BRD3: variants seen among roughly 807,000 people sequenced by gnomAD.
The protein encoded by BRD3 is bromodomain containing 3, also known as bromodomain-containing protein 3.
In BRD3, 17 loss-of-function variants were observed where a neutral mutation model predicts 66.8. That is an observed-to-expected ratio of 0.25 (90% confidence interval 0.17 to 0.38). The LOEUF (loss-of-function observed/expected upper bound fraction) is 0.38, where lower values mean the gene tolerates loss of function less well. Among genes scored for constraint, BRD3 ranks in the 10% least tolerant of loss-of-function variants. BRD3 has a pLI of 1.00. For synonymous variants in BRD3, 421 were observed against 393.2 expected, an observed-to-expected ratio of 1.07 and a Z score of -0.84; for missense variants, 713 against 956.1, an observed-to-expected ratio of 0.75 and a Z score of 3.35.
intron 1 of BRD3, among the ~76,000 whole-genome samples, chr9:134,067,446 G>T (rs1467584310): frequency 6.7e-6 from 1 of 149,572 alleles, no homozygotes; most frequent in Non-Finnish European, 1.5e-5. Flanking sequence ...CGCGGGGAAA[G>T]TGGCCCCGCG....
chr9:134,031,256 C>T lies in BRD3; in HGVS notation c.*2334G>A. 1 of 211,722 alleles carries T rather than the reference C, an allele frequency of 4.7e-6. No homozygotes were observed. Among genetic ancestry groups the T allele is most frequent in the Non-Finnish European group, 9.6e-6 (1 of 104,464 alleles). The allele number at this position is 211,722 out of a possible 1,614,324, so 13.1% of individuals were successfully genotyped here. A position where few individuals can be genotyped will look rare whatever the true frequency, so the allele number is the denominator to read the frequency against. On this transcript the variant is annotated 3_prime_UTR_variant, in exon 12 of 12. Coordinates refer to ENST00000303407, the MANE Select transcript of BRD3 (RefSeq NM_007371.4). Reference sequence around the variant, plus strand: ...CGATGCTCCTGCTGCGCTGCCCCCACAGCCGGCCGCTCCCCCGACGGCTCA... The same window carrying T: ...CGATGCTCCTGCTGCGCTGCCCCCATAGCCGGCCGCTCCCCCGACGGCTCA...
intron 7 of BRD3, among the ~76,000 whole-genome samples, chr9:134,043,931 A>G (rs190305449): frequency 1.6e-4 from 24 of 152,296 alleles, no homozygotes; most frequent in African/African-American, 5.5e-4. Context: ...TCCGCCTCCC[A>G]AAGTGCTGGA....
At position 134,031,731 on chromosome 9, in the gene BRD3, T is replaced by G. The variant is rs1030941986; in HGVS notation, c.*1859A>C. 1 of 211,242 alleles carries G rather than the reference T, an allele frequency of 4.7e-6. No individual in the cohort carries two copies. Among genetic ancestry groups the G allele is most frequent in the African/African-American group, 2.3e-5 (1 of 44,058 alleles). The allele number at this position is 211,242 out of a possible 1,614,324, so 13.1% of individuals were successfully genotyped here. On this transcript the variant is annotated 3_prime_UTR_variant, in exon 12 of 12. Transcript: ENST00000303407. The stretch of plus-strand genomic sequence containing the variant: ...CTCTGAATCAATTTTATGGTTGTTT[T>G]AAAATCACCGTGTATTAGGATACTA...
chr9:134,031,883 T>C lies in BRD3; in HGVS notation c.*1707A>G, dbSNP rs933599334. Reference sequence around the variant, plus strand: ...TCCCCCACGCTGAGGTCCGGGAGAATGCCTGGTTTCAGTCATTTCCGGACT... The same window carrying C: ...TCCCCCACGCTGAGGTCCGGGAGAACGCCTGGTTTCAGTCATTTCCGGACT... On this transcript the variant is annotated 3_prime_UTR_variant, in exon 12 of 12. Transcript: ENST00000303407. 3 of 222,442 alleles carry C rather than the reference T, an allele frequency of 1.3e-5. No individual in the cohort carries two copies. The highest frequency in any genetic ancestry group is 2.7e-5 in the Non-Finnish European group (3 of 111,260). 13.8% of individuals were successfully genotyped at this position (222,442 alleles called of 1,614,324 possible). A position where few individuals can be genotyped will look rare whatever the true frequency, so the allele number is the denominator to read the frequency against.
intron 9 of BRD3, among the ~76,000 whole-genome samples, chr9:134,039,694 C>A (rs1829997797): frequency 6.6e-6 from 1 of 152,262 alleles, no homozygotes; most frequent in Admixed American, 6.5e-5. Context: ...CTGCCCCCTG[C>A]CTATGGGCAA....
At chr9:134,050,735 C>A in intron 4 of BRD3, 147 bp from the exon 5 acceptor site, 1 of 660,574 alleles carries the variant, frequency 1.5e-6, no homozygotes, top group Non-Finnish European at 2.6e-6. Flanking sequence ...CTGAGATGCC[C>A]CCCATCCTGC....
At chr9:134,043,946 C>T (rs1213769872) in intron 7 of BRD3, among the ~76,000 whole-genome samples, 2 of 152,240 alleles carry the variant, frequency 1.3e-5, no homozygotes, top group East Asian at 1.9e-4. Flanking sequence ...GCTGGAATTA[C>T]AGGCGTGAGC....
chr9:134,062,920 C>T (rs1830575481), intron 1 of BRD3, among the ~76,000 whole-genome samples: 1 of 152,156 alleles, frequency 6.6e-6, no homozygotes, highest in Non-Finnish European at 1.5e-5. Flanking sequence ...AGGGACACAG[C>T]CTCAGGGTCA....
intron 1 of BRD3, 92 bp from the exon 2 acceptor site, chr9:134,053,682 C>T (rs918052594): frequency 1.4e-5 from 17 of 1,200,292 alleles, no homozygotes; most frequent in East Asian, 5.2e-5. Flanking sequence ...GGGCACCTGT[C>T]GGGCCTCAGC....
At chr9:134,046,168 GCACA>G (rs762590085) in intron 6 of BRD3, among the ~76,000 whole-genome samples, 11 of 152,234 alleles carry the variant, frequency 7.2e-5, no homozygotes, top group Non-Finnish European at 1.5e-4. Flanking sequence ...GTAAGGAGGG[GCACA>G]CAGTCAGTCC....
chr9:134,059,017 G>A (rs573152934), intron 1 of BRD3, among the ~76,000 whole-genome samples: 3 of 152,364 alleles, frequency 2.0e-5, no homozygotes, highest in African/African-American at 4.8e-5. Flanking sequence ...AACACTGACT[G>A]TATTTCCGGA....
At chr9:134,037,642 A>G (rs1829954626) in intron 9 of BRD3, among the ~76,000 whole-genome samples, 1 of 152,236 alleles carries the variant, frequency 6.6e-6, no homozygotes, top group African/African-American at 2.4e-5. Context: ...CTTAAAAAGT[A>G]AAAAGAAGCC....
At chr9:134,040,706 T>C (rs1252357547) in intron 8 of BRD3, among the ~76,000 whole-genome samples, 5 of 152,238 alleles carry the variant, frequency 3.3e-5, no homozygotes, top group Admixed American at 6.5e-5. Flanking sequence ...ATTTTTATTA[T>C]TACCATTGTT....
At chr9:134,062,686 G>C (rs551423365) in intron 1 of BRD3, among the ~76,000 whole-genome samples, 4 of 152,174 alleles carry the variant, frequency 2.6e-5, no homozygotes, top group African/African-American at 9.7e-5. Context: ...CTCATGAGGC[G>C]CGTGAGGAGG....
intron 1 of BRD3, among the ~76,000 whole-genome samples, chr9:134,060,589 C>CAA (rs1469392948): frequency 7.9e-6 from 1 of 126,398 alleles, no homozygotes; most frequent in Non-Finnish European, 1.6e-5. Flanking sequence ...AAGACCCTGA[C>CAA]ACACACACAC....
chr9:134,036,091 A>G lies in BRD3; in HGVS notation c.1877T>C (p.Leu626Ser), dbSNP rs1166186101. 2 of 1,614,110 alleles carry G rather than the reference A, an allele frequency of 1.2e-6. No individual in the cohort carries two copies. The highest frequency in any genetic ancestry group is 1.7e-5 in the Admixed American group (1 of 60,012). The stretch of plus-strand genomic sequence containing the variant: ...CTTGACATATCTCTCCAGTTCCCGC[A>G]AAGTGGTGGGTTTCAGAGTCTCAAA... ...IDFETLKPTT[L>S]RELERYVKSC... The change falls in exon 10 of 12, where the codon TTG becomes TCG. Residue 626 changes from leucine to serine, a missense_variant. By Grantham distance (145) the Leu-to-Ser change is moderately radical (BLOSUM62 -2). Around this residue, in one of 5 missense-constraint regions of BRD3, gnomAD observed 418 missense variants for 609.3 expected, o/e 0.69. Coordinates refer to ENST00000303407, the MANE Select transcript of BRD3 (RefSeq NM_007371.4).
In BRD3 at chr9:134,047,977, G is replaced by A. The variant is rs7027238; in HGVS notation, c.1086+106C>T. The A allele has an allele frequency of 6.1e-3, 8,575 of 1,396,882 alleles. 38 individuals carry two copies. The highest frequency in any genetic ancestry group is 0.016 in the African/African-American group (1,093 of 68,784). The allele number at this position is 1,396,882 out of a possible 1,614,324, so 86.5% of individuals were successfully genotyped here. ...TGGAGGGTGCGCTTCTCCGGCAAGC[G>A]AGACCCTGCTCCCCGACAGCCCCCA... On this transcript the variant is annotated intron_variant, in intron 6 of 11. Coordinates refer to ENST00000303407, the MANE Select transcript of BRD3 (RefSeq NM_007371.4).
At chr9:134,067,855 T>C (rs1830703426) in intron 1 of BRD3, 90 bp downstream of exon 1, 1 of 140,490 alleles carries the variant, frequency 7.1e-6, no homozygotes, top group Non-Finnish European at 1.6e-5. Context: ...CGCGGGGCGC[T>C]CGGGGCCGCG....
intron 6 of BRD3, among the ~76,000 whole-genome samples, chr9:134,047,281 A>G (rs1830191818): frequency 6.6e-6 from 1 of 152,234 alleles, no homozygotes; most frequent in Non-Finnish European, 1.5e-5. Context: ...AGCTCTTCCC[A>G]GGGCCGCACG....
Sources: gnomAD v4.1 joint callset for allele counts (sites outside exome capture counted in the v4.1 genomes callset) on GRCh38, gnomAD v4.1.1 for gene constraint, gnomAD v4.1.1 regional missense constraint, MANE v1.5 for transcripts, NCBI Gene and HGNC (gene_info 2026-07-23, HGNC 2026-07-21) for gene names.